KREMEN1: variants seen among roughly 807,000 people sequenced by gnomAD.
KREMEN1 encodes kringle containing transmembrane protein 1, also known as kremen protein 1.
A neutral mutation model predicts 46.5 loss-of-function variants in KREMEN1; 30 were observed. The observed-to-expected ratio is 0.65, with a 90% CI of 0.48 to 0.88. The LOEUF is 0.88. Ranked by LOEUF, KREMEN1 falls within the 40% of genes least tolerant of loss-of-function variation. KREMEN1 has a pLI of 0.00. For missense variants in KREMEN1, 533 were observed against 596.9 expected, an observed-to-expected ratio of 0.89 and a Z score of 1.11; for synonymous variants, 214 against 230.6, an observed-to-expected ratio of 0.93 and a Z score of 0.65.
Position 29,142,321 on chromosome 22 carries a change from C to G in KREMEN1, c.*209C>G. 7.9e-7 allele frequency: 1 copy of G among 1,272,024 alleles called. No individual in the cohort carries two copies. The highest frequency in any genetic ancestry group is 9.9e-7 in the Non-Finnish European group (1 of 1,011,128). 78.8% of individuals were successfully genotyped at this position (1,272,024 alleles called of 1,614,324 possible). On this transcript the variant is annotated 3_prime_UTR_variant, in exon 9 of 9. Coordinates refer to ENST00000400335, the MANE Select transcript of KREMEN1 (RefSeq NM_001039570.3). ...GATTCCTCCTGCTTCATCGATTGCA[C>G]TTAGGAGAGAGACTCAAAGCCCTGG...
intron 1 of KREMEN1, among the ~76,000 whole-genome samples, chr22:29,083,753 A>G (rs2037691312): frequency 6.6e-6 from 1 of 152,010 alleles, no homozygotes. Flanking sequence ...AACCACTTGA[A>G]CCTAGGAGGC....
Position 29,162,868 on chromosome 22 carries a change from C to G in KREMEN1, c.1417-4176C>G, listed in dbSNP as rs115575819. On this transcript the variant is annotated intron_variant, in intron 9 of 9. Transcript: ENST00000327813. ...ACAAGGAATCAACGTAGGTGCCCAT[C>G]AATGGTGGATTAGATAAAGAAATCA... is the stretch of plus-strand genomic sequence containing the variant. Among the ~76,000 whole-genome samples, 529 of 152,236 alleles carry G rather than the reference C, an allele frequency of 3.5e-3. 1 individual carries two copies. Among genetic ancestry groups the G allele is most frequent in the African/African-American group, 0.012 (482 of 41,536 alleles).
intron 9 of KREMEN1, among the ~76,000 whole-genome samples, chr22:29,159,605 C>T (rs533690570): frequency 1.3e-5 from 2 of 150,906 alleles, no homozygotes; most frequent in African/African-American, 2.4e-5. Context: ...GGCAACAGAG[C>T]GAGACTCTGT....
At chr22:29,080,753 A>T (rs1342457556) in intron 1 of KREMEN1, among the ~76,000 whole-genome samples, 1 of 152,044 alleles carries the variant, frequency 6.6e-6, no homozygotes, top group Non-Finnish European at 1.5e-5. Context: ...ATTTTGCAAT[A>T]CTTGGAGACA....
Position 29,131,554 on chromosome 22 carries a change from A to G in KREMEN1, c.632-5788A>G, listed in dbSNP as rs796715033. Among the ~76,000 whole-genome samples, 351 of 73,198 alleles carry G rather than the reference A, an allele frequency of 4.8e-3. 1 individual carries two copies. The highest frequency in any genetic ancestry group is 0.026 in the South Asian group (60 of 2,296). The allele number at this position is 73,198 out of a possible 152,430, so 48.0% of individuals were successfully genotyped here. ...TATATATATATATATATATATATATATATATATGTGTGTGTGTGTGTGTGT... is the reference window on the plus strand; with the variant it reads ...TATATATATATATATATATATATATGTATATATGTGTGTGTGTGTGTGTGT... On this transcript the variant is annotated intron_variant, in intron 5 of 8. Transcript: ENST00000400335.
intron 1 of KREMEN1, among the ~76,000 whole-genome samples, chr22:29,087,556 C>T (rs1384822418): frequency 6.7e-6 from 1 of 148,968 alleles, no homozygotes; most frequent in African/African-American, 2.5e-5. Flanking sequence ...CTACCACTAT[C>T]TTATACATGT....
chr22:29,119,838 G>A lies in KREMEN1; in HGVS notation c.353-1519G>A, dbSNP rs117495940. On this transcript the variant is annotated intron_variant, in intron 3 of 8. Transcript: ENST00000400335. The stretch of plus-strand genomic sequence containing the variant: ...AAAGATGTTCATGATATAATCCCTA[G>A]AATCTGTGAATACGTTACCTTAGAT... Among the ~76,000 whole-genome samples, 23 of 152,318 alleles carry A rather than the reference G, an allele frequency of 1.5e-4. No individual in the cohort carries two copies. In the East Asian group the frequency reaches 4.4e-3, roughly 29 times the overall value.
rs749026522 is a variant in KREMEN1, at chr22:29,132,520, C to G, written c.632-4822C>G. 2.0e-5 allele frequency among the ~76,000 whole-genome samples: 3 copies of G among 152,176 alleles called. No individual in the cohort carries two copies. The South Asian group carries it at 6.2e-4, about 32-fold the overall frequency. ...GTATGATTTTCATTTGCTCCACTTT[C>G]TCTCCAGCTACAGATACTTTTGTAT... On this transcript the variant is annotated intron_variant, in intron 5 of 8. Coordinates refer to ENST00000400335, the MANE Select transcript of KREMEN1 (RefSeq NM_001039570.3).
Position 29,135,678 on chromosome 22 carries a change from G to A in KREMEN1, c.632-1664G>A, listed in dbSNP as rs144758527. Among the ~76,000 whole-genome samples, 207 of 152,312 alleles carry A rather than the reference G, an allele frequency of 1.4e-3. 2 individuals carry two copies. The highest frequency in any genetic ancestry group is 6.2e-3 in the East Asian group (32 of 5,186). ...ATGCCCGTTGTGTCTGGGACTCCCAGTTGCCCTAAGCTGAGACACTAGCCC... is the reference window on the plus strand; with the variant it reads ...ATGCCCGTTGTGTCTGGGACTCCCAATTGCCCTAAGCTGAGACACTAGCCC... On this transcript the variant is annotated intron_variant, in intron 5 of 8. Coordinates refer to ENST00000400335, the MANE Select transcript of KREMEN1 (RefSeq NM_001039570.3).
At chr22:29,099,745 T>C (rs2037945139) in intron 3 of KREMEN1, among the ~76,000 whole-genome samples, 1 of 152,062 alleles carries the variant, frequency 6.6e-6, no homozygotes, top group Non-Finnish European at 1.5e-5. Flanking sequence ...AAATGGGGCT[T>C]CACCATGTTG....
intron 4 of KREMEN1, among the ~76,000 whole-genome samples, chr22:29,125,035 A>G (rs2038418256): frequency 6.6e-6 from 1 of 152,182 alleles, no homozygotes; most frequent in Admixed American, 6.5e-5. Flanking sequence ...TAGAAACACA[A>G]ACATTAAAAA....
intron 5 of KREMEN1, among the ~76,000 whole-genome samples, chr22:29,126,902 C>A (rs916028168): frequency 6.6e-6 from 1 of 152,164 alleles, no homozygotes; most frequent in African/African-American, 2.4e-5. Flanking sequence ...TTTGTTTTGG[C>A]TAAAGACTGA....
intron 3 of KREMEN1, among the ~76,000 whole-genome samples, chr22:29,111,094 G>T (rs1041247775): frequency 4.0e-5 from 6 of 151,200 alleles, no homozygotes; most frequent in Non-Finnish European, 7.4e-5. Flanking sequence ...ATCACTGGAG[G>T]CCACAAGTTT....
At chr22:29,135,829 G>A (rs1186170000) in intron 5 of KREMEN1, among the ~76,000 whole-genome samples, 2 of 152,118 alleles carry the variant, frequency 1.3e-5, no homozygotes, top group African/African-American at 4.8e-5. Flanking sequence ...CCTTGATGGG[G>A]CTTTGATTTT....
At chr22:29,160,817 C>T (rs951513049) in intron 9 of KREMEN1, among the ~76,000 whole-genome samples, 1 of 152,000 alleles carries the variant, frequency 6.6e-6, no homozygotes, top group African/African-American at 2.4e-5. Context: ...CATAGAGGAA[C>T]TAGAAAAACA....
chr22:29,120,507 CGGAGG>C (rs2038334383), intron 3 of KREMEN1, among the ~76,000 whole-genome samples: 2 of 57,424 alleles, frequency 3.5e-5, no homozygotes, highest in Admixed American at 2.4e-4. Flanking sequence ...ATAAAGGAAA[CGGAGG>C]AGGGAGAGGT....
chr22:29,128,060 G>A (rs1297998959), intron 5 of KREMEN1, among the ~76,000 whole-genome samples: 1 of 152,132 alleles, frequency 6.6e-6, no homozygotes. Context: ...GCCAGATTCC[G>A]GGTTGCCAAG....
chr22:29,101,359 A>G (rs2037974096), intron 3 of KREMEN1, among the ~76,000 whole-genome samples: 3 of 152,212 alleles, frequency 2.0e-5, no homozygotes, highest in African/African-American at 7.2e-5. Context: ...ATAGTCAAAA[A>G]GCTAAAGTAA....
intron 3 of KREMEN1, chr22:29,099,184 C>T (rs1185557153): frequency 1.1e-5 from 5 of 436,486 alleles, no homozygotes; most frequent in African/African-American, 1.0e-4. Context: ...GATGGGTAAG[C>T]CCCATGAGAA....
Sources: gnomAD v4.1 joint callset for allele counts (sites outside exome capture counted in the v4.1 genomes callset) on GRCh38, gnomAD v4.1.1 for gene constraint, MANE v1.5 for transcripts, NCBI Gene and HGNC (gene_info 2026-07-23, HGNC 2026-07-21) for gene names.